The following ADAMTS2 variants were observed in gnomAD, a reference collection of about 807,000 sequenced individuals.
ADAMTS2 encodes the protein A disintegrin and metalloproteinase with thrombospondin motifs 2.
Under a neutral mutation model 123.0 loss-of-function variants are expected in ADAMTS2, and 50 were observed. That is an observed-to-expected ratio of 0.41 (90% CI 0.32 to 0.51). The LOEUF (loss-of-function observed/expected upper bound fraction) is 0.51, where lower values mean the gene tolerates loss of function less well. ADAMTS2 is among the 20% of genes least tolerant of loss of function. The pLI is 0.35. For synonymous variants in ADAMTS2, 678 were observed against 695.4 expected, an observed-to-expected ratio of 0.98 and a Z score of 0.39; for missense variants, 1,494 against 1,705.2, an observed-to-expected ratio of 0.88 and a Z score of 2.18.
intron 3 of ADAMTS2, among the ~76,000 whole-genome samples, chr5:179,241,740 C>T (rs1181976086): frequency 6.6e-6 from 1 of 152,218 alleles, no homozygotes; most frequent in Non-Finnish European, 1.5e-5. Flanking sequence ...AGAGATAATG[C>T]ACATGAAGTT....
chr5:179,127,285 G>A (rs905403300), intron 17 of ADAMTS2, among the ~76,000 whole-genome samples: 1 of 152,136 alleles, frequency 6.6e-6, no homozygotes, highest in Non-Finnish European at 1.5e-5. Flanking sequence ...GGTGCCCAGG[G>A]GCCCTGGAAG....
intron 2 of ADAMTS2, among the ~76,000 whole-genome samples, chr5:179,286,173 C>T (rs1321735734): frequency 2.0e-5 from 3 of 150,454 alleles, no homozygotes; most frequent in Non-Finnish European, 4.4e-5. Context: ...AAGATCGCAC[C>T]GCTGCACTCC....
intron 5 of ADAMTS2, among the ~76,000 whole-genome samples, chr5:179,176,709 T>TCC (rs1763937968): frequency 6.6e-6 from 1 of 152,224 alleles, no homozygotes; most frequent in East Asian, 1.9e-4. Flanking sequence ...GCCAGTGATC[T>TCC]TCTTAGAAAT....
rs368287059 is a variant in ADAMTS2, at chr5:179,202,916, T to C, written c.891+4597A>G. Among the ~76,000 whole-genome samples the C allele has an allele frequency of 1.8e-4, 28 of 152,248 alleles. No homozygotes were observed. The East Asian group carries it at 5.0e-3, about 27-fold the overall frequency. ...TTTCACACAGGCCACTAGGCAAAACTGGCCATGCAGCTCCACACCAGCTAC... is the reference window on the plus strand; with the variant it reads ...TTTCACACAGGCCACTAGGCAAAACCGGCCATGCAGCTCCACACCAGCTAC... On this transcript the variant is annotated intron_variant, in intron 4 of 21. Coordinates refer to ENST00000251582, the MANE Select transcript of ADAMTS2 (RefSeq NM_014244.5). The surrounding 1 kb of genome is among the most constrained non-coding windows in gnomAD (Gnocchi z 4.0).
At chr5:179,206,187 G>T (rs1764688435) in intron 4 of ADAMTS2, among the ~76,000 whole-genome samples, 1 of 152,214 alleles carries the variant, frequency 6.6e-6, no homozygotes, top group Admixed American at 6.5e-5. Context: ...ATAAGGCTGG[G>T]CTCCAGAGGG....
rs1762642086 is a variant in ADAMTS2, at chr5:179,115,484, C to T, written c.3179-1160G>A. 6.6e-6 allele frequency among the ~76,000 whole-genome samples: 1 copy of T among 152,170 alleles called. No homozygotes were observed. The highest frequency in any genetic ancestry group is 6.5e-5 in the Admixed American group (1 of 15,270). On this transcript the variant is annotated intron_variant, in intron 21 of 21. Transcript: ENST00000251582. The surrounding 1 kb of genome is among the most constrained non-coding windows in gnomAD (Gnocchi z 4.4). ...AACACCGCCTGTTGTGGTCTCTGCTCAGCTGCTCTCTACTCTCCACAGTGA... is the reference window on the plus strand; with the variant it reads ...AACACCGCCTGTTGTGGTCTCTGCTTAGCTGCTCTCTACTCTCCACAGTGA...
chr5:179,159,622 G>A (rs182896461), intron 5 of ADAMTS2, among the ~76,000 whole-genome samples: 55 of 152,268 alleles, frequency 3.6e-4, no homozygotes, highest in South Asian at 4.2e-4. Flanking sequence ...CTGACAGCTA[G>A]GGTGGCCTCG....
Position 179,234,241 on chromosome 5 carries a change from TG to T in ADAMTS2, c.689-26527del, listed in dbSNP as rs980466504. 1.3e-5 allele frequency among the ~76,000 whole-genome samples: 2 copies of T among 152,096 alleles called. No homozygotes were observed. The highest frequency in any genetic ancestry group is 4.8e-5 in the African/African-American group (2 of 41,400). On this transcript the variant is annotated intron_variant, in intron 3 of 21. Transcript: ENST00000251582. This position sits in a 1 kb window ranked among gnomAD's most constrained non-coding sequence, Gnocchi z 4.7. ...CCCTCGAGGCTTAACCCCTGCTCTGTGGGGGATTCCTGCTGCTCTGCCTGAA... is the reference window on the plus strand; with the variant it reads ...CCCTCGAGGCTTAACCCCTGCTCTGTGGGGATTCCTGCTGCTCTGCCTGAA...
At position 179,128,049 on chromosome 5, in the gene ADAMTS2, C is replaced by A; in HGVS notation, c.2527G>T (p.Val843Phe). The A allele has an allele frequency of 6.2e-7, 1 of 1,614,104 alleles. No homozygotes were observed. Among genetic ancestry groups the A allele is most frequent in the Non-Finnish European group, 8.5e-7 (1 of 1,180,042 alleles). ...KYMIHEDSLNVDDNNVLEEDS... is the reference protein window; with the variant it reads ...KYMIHEDSLNFDDNNVLEEDS... ...TCTTCCAGGACGTTGTTGTCGTCGACATTCAGTGAGTCCTCATGGATCATG... is the reference window on the plus strand; with the variant it reads ...TCTTCCAGGACGTTGTTGTCGTCGAAATTCAGTGAGTCCTCATGGATCATG... The change falls in exon 17 of 22, where the codon GTC (valine) becomes TTC (phenylalanine). Residue 843 changes from valine to phenylalanine, a missense_variant. Val to Phe is a conservative substitution (Grantham distance 50). Transcript: ENST00000251582. This position sits in a 1 kb window ranked among gnomAD's most constrained non-coding sequence, Gnocchi z 4.9.
At chr5:179,172,037 CGT>C (rs1763830655) in intron 5 of ADAMTS2, among the ~76,000 whole-genome samples, 1 of 152,194 alleles carries the variant, frequency 6.6e-6, no homozygotes, top group Non-Finnish European at 1.5e-5. Flanking sequence ...GCTCTGGAAG[CGT>C]GCGTCCAGCT....
chr5:179,191,498 C>T (rs1214687400), intron 4 of ADAMTS2, among the ~76,000 whole-genome samples: 6 of 152,160 alleles, frequency 3.9e-5, no homozygotes, highest in African/African-American at 1.4e-4. Context: ...TTTATTCCCC[C>T]ACACATCATA....
chr5:179,213,234 G>C (rs1338723554), intron 3 of ADAMTS2, among the ~76,000 whole-genome samples: 1 of 152,156 alleles, frequency 6.6e-6, no homozygotes, highest in Non-Finnish European at 1.5e-5. Context: ...GCTCCTAAGG[G>C]AGAACTTTCC....
chr5:179,303,329 G>A lies in ADAMTS2; in HGVS notation c.535-30265C>T, dbSNP rs1016554300. 2.0e-5 allele frequency among the ~76,000 whole-genome samples: 3 copies of A among 152,176 alleles called. No homozygotes were observed. Among genetic ancestry groups the A allele is most frequent in the South Asian group, 2.1e-4 (1 of 4,828 alleles). On this transcript the variant is annotated intron_variant, in intron 2 of 21. Transcript: ENST00000251582. The surrounding 1 kb of genome is among the most constrained non-coding windows in gnomAD (Gnocchi z 4.7). ...GGTTCCAGTAGGATGGTGTGAGCAC[G>A]CCTCACCTGCATCCCCCACTGCCTG... is the stretch of plus-strand genomic sequence containing the variant.
intron 2 of ADAMTS2, among the ~76,000 whole-genome samples, chr5:179,326,957 G>A (rs1274832935): frequency 2.0e-5 from 3 of 152,142 alleles, no homozygotes; most frequent in African/African-American, 7.2e-5. Context: ...AAACTCTCAG[G>A]TGCCTACACA....
chr5:179,268,995 T>G (rs1373738806), intron 3 of ADAMTS2, among the ~76,000 whole-genome samples: 2 of 152,168 alleles, frequency 1.3e-5, no homozygotes, highest in African/African-American at 4.8e-5. Context: ...GTGCTTGCAG[T>G]AAGGCTCTTG....
In ADAMTS2 at chr5:179,139,948, A is replaced by G; in HGVS notation, c.1717T>C (p.Cys573Arg). 6.2e-7 allele frequency: 1 copy of G among 1,613,666 alleles called. No individual in the cohort carries two copies. The highest frequency in any genetic ancestry group is 8.5e-7 in the Non-Finnish European group (1 of 1,180,018). The change falls in exon 11 of 22, where the codon TGC becomes CGC. Residue 573 changes from cysteine to arginine, a missense_variant. This residue lies in a region of ADAMTS2 where 953 missense variants were observed against 1,124.7 expected (regional missense o/e 0.85). Transcript: ENST00000251582. ...SWGAWSPFGS[C>R]SRTCGTGVKF... Reference sequence around the variant, plus strand: ...ACGCCCGTGCCACAGGTACGTGAGCAGGAGCCAAACGGACTCCAAGCGCCC... The same window carrying G: ...ACGCCCGTGCCACAGGTACGTGAGCGGGAGCCAAACGGACTCCAAGCGCCC...
In ADAMTS2 at chr5:179,139,886, T is replaced by G; in HGVS notation, c.1775+4A>C. The G allele has an allele frequency of 6.2e-7, 1 of 1,612,110 alleles. No individual in the cohort carries two copies. Among genetic ancestry groups the G allele is most frequent in the Middle Eastern group, 2.1e-4 (1 of 4,734 alleles). ...AAGGCCAGGGGGACATGGGGCCAAC[T>G]CACTGTGGGTTGTCACACTGGCGGG... On this transcript the variant is annotated splice_donor_region_variant and intron_variant, in intron 11 of 21. Coordinates refer to ENST00000251582, the MANE Select transcript of ADAMTS2 (RefSeq NM_014244.5).
rs1757497755 is a variant in ADAMTS2 at position 179,332,039 on chromosome 5, A to T, written c.534+11728T>A. Among the ~76,000 whole-genome samples the T allele has an allele frequency of 6.6e-6, 1 of 152,240 alleles. No homozygotes were observed. Among genetic ancestry groups the T allele is most frequent in the Non-Finnish European group, 1.5e-5 (1 of 68,040 alleles). The stretch of plus-strand genomic sequence containing the variant: ...GGCGGCTATAAATTGGGCGGGTCCC[A>T]CAACTCCCTCCTCAGGTTCTGTAAT... On this transcript the variant is annotated intron_variant, in intron 2 of 21. Transcript: ENST00000251582. The surrounding 1 kb of genome is among the most constrained non-coding windows in gnomAD (Gnocchi z 4.2).
intron 3 of ADAMTS2, among the ~76,000 whole-genome samples, chr5:179,230,783 G>A (rs1460238943): frequency 3.3e-5 from 5 of 152,230 alleles, no homozygotes; most frequent in Non-Finnish European, 5.9e-5. Context: ...GGCCGAGGCA[G>A]GCGGATTGCC....
Sources: allele counts gnomAD v4.1 joint callset (sites outside exome capture counted in the v4.1 genomes callset), GRCh38; gene constraint gnomAD v4.1.1; regional missense constraint gnomAD v4.1.1; non-coding constraint Gnocchi (gnomAD v3.1); transcripts MANE v1.5; gene names NCBI Gene and HGNC (gene_info 2026-07-23, HGNC 2026-07-21).